PUDP: variants seen among roughly 807,000 people sequenced by gnomAD.
PUDP encodes the protein pseudouridine-5'-phosphatase.
In PUDP, 8 loss-of-function variants were observed where a neutral mutation model predicts 9.4. The ratio of observed to expected loss-of-function variants is 0.85; its 90% CI spans 0.50 to 1.53. The LOEUF (loss-of-function observed/expected upper bound fraction) is 1.53, where lower values mean the gene tolerates loss of function less well. Among genes scored for constraint, PUDP ranks in the 40% most tolerant of loss-of-function variants. PUDP has a pLI of 0.00. For missense variants in PUDP, 188 were observed against 189.7 expected, an observed-to-expected ratio of 0.99 and a Z score of 0.05; for synonymous variants, 99 against 80.7, an observed-to-expected ratio of 1.23 and a Z score of -1.22.
intron 3 of PUDP, among the ~76,000 whole-genome samples, chrX:6,772,534 T>C (rs1019100182): frequency 9.1e-6 from 1 of 109,675 alleles, no homozygotes; most frequent in African/African-American, 3.3e-5. Context: ...TTTGAATAGA[T>C]TGCACCAGTT....
chrX:6,742,355 A>G (rs1924950595), intron 3 of PUDP, among the ~76,000 whole-genome samples: 1 of 112,650 alleles, frequency 8.9e-6, no homozygotes, highest in Non-Finnish European at 1.9e-5. Flanking sequence ...TGGAACAGTC[A>G]CATTAATTTA....
chrX:6,707,715 A>G (rs1228586362), intron 1 of PUDP, among the ~76,000 whole-genome samples: 1 of 111,297 alleles, frequency 9.0e-6, no homozygotes, highest in Non-Finnish European at 1.9e-5. Flanking sequence ...AACTTCCCTC[A>G]CTAGCCCGCC....
At chrX:6,788,006 T>G (rs760933844) in intron 3 of PUDP, among the ~76,000 whole-genome samples, 1 of 112,170 alleles carries the variant, frequency 8.9e-6, no homozygotes, top group African/African-American at 3.2e-5. Context: ...AGATTTCCAC[T>G]GATAATTGTT....
At chrX:6,775,394 T>C (rs150834381) in intron 3 of PUDP, among the ~76,000 whole-genome samples, 1,278 of 111,418 alleles carry the variant, frequency 0.011, 16 homozygotes, top group African/African-American at 0.037. Context: ...TTAAGAGCCC[T>C]GCTATTAACA....
chrX:7,102,538 C>T (rs1343146104), intron 2 of PUDP, among the ~76,000 whole-genome samples: 2 of 110,598 alleles, frequency 1.8e-5, no homozygotes, highest in Non-Finnish European at 3.8e-5. Flanking sequence ...AGGATACACA[C>T]TCTTGTCACT....
In PUDP at chrX:6,919,858, C is replaced by CAAAAAAAAAAAAAAA. The variant is rs58441346; in HGVS notation, c.*247+57260_*247+57274dup. The stretch of plus-strand genomic sequence containing the variant: ...TGGGTGACAGAGCAAGACTCCATCT[C>CAAAAAAAAAAAAAAA]AAAAAAAAAAAAAAAAAAAAAAAAA... On this transcript the variant is annotated intron_variant and NMD_transcript_variant, in intron 3 of 3. Transcript: ENST00000655425. Among the ~76,000 whole-genome samples, 12 of 26,491 alleles carry CAAAAAAAAAAAAAAA rather than the reference C, an allele frequency of 4.5e-4. 1 individual carries two copies. The highest frequency in any genetic ancestry group is 1.1e-3 in the East Asian group (1 of 899). 23.0% of individuals were successfully genotyped at this position (26,491 alleles called of 115,157 possible).
At chrX:6,943,454 C>A (rs1293469902) in intron 3 of PUDP, among the ~76,000 whole-genome samples, 1 of 111,576 alleles carries the variant, frequency 9.0e-6, no homozygotes, top group Admixed American at 9.6e-5. Context: ...CAAAGCCATT[C>A]CATTTATTAT....
At chrX:6,727,721 A>G (rs1172818299) in intron 3 of PUDP, among the ~76,000 whole-genome samples, 1 of 111,896 alleles carries the variant, frequency 8.9e-6, no homozygotes, top group Non-Finnish European at 1.9e-5. Context: ...CCCAGCATGC[A>G]CACCAGCTGT....
chrX:7,020,426 C>T (rs1441537374), intron 1 of PUDP, among the ~76,000 whole-genome samples: 3 of 109,931 alleles, frequency 2.7e-5, no homozygotes, highest in Non-Finnish European at 5.7e-5. Flanking sequence ...CTGTCCTCAG[C>T]ACCTCACCTT....
chrX:6,825,395 G>C (rs1291046321), intron 3 of PUDP, among the ~76,000 whole-genome samples: 1 of 111,465 alleles, frequency 9.0e-6, no homozygotes, highest in African/African-American at 3.3e-5. Context: ...CGCGTGGTCT[G>C]ATCACACTGA....
intron 3 of PUDP, among the ~76,000 whole-genome samples, chrX:6,797,799 AT>A (rs1925868366): frequency 8.9e-6 from 1 of 112,044 alleles, no homozygotes; most frequent in Non-Finnish European, 1.9e-5. Flanking sequence ...GTTGTAAGCC[AT>A]TACATTTTGA....
intron 1 of PUDP, among the ~76,000 whole-genome samples, chrX:7,011,830 G>A (rs1419010436): frequency 1.8e-5 from 2 of 112,257 alleles, no homozygotes; most frequent in African/African-American, 3.2e-5. Flanking sequence ...AAACTGAGTA[G>A]GCACCTACCT....
chrX:6,803,071 A>G (rs1925986278), intron 3 of PUDP, among the ~76,000 whole-genome samples: 2 of 79,883 alleles, frequency 2.5e-5, no homozygotes, highest in African/African-American at 1.0e-4. Flanking sequence ...ATAAAATAAA[A>G]TAAAATAAAA....
intron 1 of PUDP, among the ~76,000 whole-genome samples, chrX:6,717,276 G>A (rs1003365011): frequency 9.0e-5 from 10 of 111,141 alleles, no homozygotes; most frequent in Non-Finnish European, 1.9e-5. Flanking sequence ...GATACCCTTG[G>A]GTTGCTGGAG....
At chrX:6,991,845 T>G (rs1017250080) in intron 1 of PUDP, among the ~76,000 whole-genome samples, 2 of 108,072 alleles carry the variant, frequency 1.9e-5, no homozygotes, top group Admixed American at 2.0e-4. Flanking sequence ...GAAAGAAAAA[T>G]TTTTAAAGAA....
intron 3 of PUDP, among the ~76,000 whole-genome samples, chrX:6,868,805 T>G (rs7474159): frequency 0.093 from 10,364 of 111,598 alleles, 609 homozygotes; most frequent in East Asian, 0.46. Context: ...GTCTTTAAAT[T>G]AGGAGCCACC....
At chrX:6,766,444 T>A (rs937869915) in intron 3 of PUDP, among the ~76,000 whole-genome samples, 6 of 111,563 alleles carry the variant, frequency 5.4e-5, no homozygotes, top group Middle Eastern at 4.7e-3. Flanking sequence ...CTTAAGATAA[T>A]TATAAATGGG....
chrX:7,111,321 A>T (rs1488748487), intron 1 of PUDP, among the ~76,000 whole-genome samples: 1 of 111,026 alleles, frequency 9.0e-6, no homozygotes. Context: ...TTTTGCTCCT[A>T]CCCTCATGTT....
At chrX:6,706,931 C>T (rs1217908526) in intron 1 of PUDP, among the ~76,000 whole-genome samples, 1 of 111,417 alleles carries the variant, frequency 9.0e-6, no homozygotes, top group East Asian at 2.8e-4. Context: ...CACTTGTCTA[C>T]AAGTGTATCA....
Sources: allele counts gnomAD v4.1 joint callset (sites outside exome capture counted in the v4.1 genomes callset), GRCh38; gene constraint gnomAD v4.1.1; transcripts MANE v1.5; gene names NCBI Gene and HGNC (gene_info 2026-07-23, HGNC 2026-07-21).